Variants in CERS1 observed in about 807,000 individuals in gnomAD.
The protein encoded by CERS1 is ceramide synthase 1.
Under a neutral mutation model 35.7 loss-of-function variants are expected in CERS1, and 16 were observed. The ratio of observed to expected loss-of-function variants is 0.45; its 90% CI spans 0.30 to 0.68. The LOEUF is 0.68. Among genes scored for constraint, CERS1 ranks in the 30% least tolerant of loss-of-function variants. The pLI, the probability that CERS1 is intolerant of heterozygous loss-of-function variation, is 0.08. For missense variants in CERS1, 454 were observed against 453.9 expected (o/e 1.00, Z 0.00); for synonymous variants, 243 against 201.6 (o/e 1.21, Z -1.74).
chr19:18,868,615 G>T lies in CERS1; in HGVS notation c.*1370C>A. 4 of 1,564,518 alleles carry T rather than the reference G, an allele frequency of 2.6e-6. No homozygotes were observed. The highest frequency in any genetic ancestry group is 3.5e-6 in the Non-Finnish European group (4 of 1,154,688). ...CCCCGGGTTAGCGGCAGCCGCACTC[G>T]TCCACCACCATGTCCTCATACTGCC... On this transcript the variant is annotated 3_prime_UTR_variant, in exon 8 of 8. Transcript: ENST00000623882.
intron 6 of CERS1, among the ~76,000 whole-genome samples, chr19:18,876,883 G>A (rs948756370): frequency 5.1e-4 from 77 of 152,248 alleles, no homozygotes; most frequent in African/African-American, 1.4e-3. Flanking sequence ...CCAGCTTCTT[G>A]GTGAAGGTCC....
chr19:18,876,833 G>A (rs118018762), intron 6 of CERS1, among the ~76,000 whole-genome samples: 21 of 152,308 alleles, frequency 1.4e-4, no homozygotes, highest in Non-Finnish European at 2.8e-4. Flanking sequence ...CGACATTGGT[G>A]CTTTGCTATT....
intron 3 of CERS1, among the ~76,000 whole-genome samples, chr19:18,881,331 T>C (rs372738888): frequency 6.3e-4 from 96 of 151,576 alleles, no homozygotes; most frequent in African/African-American, 2.2e-3. Flanking sequence ...GCAATTCTCC[T>C]GCCTCAGCCT....
intron 6 of CERS1, among the ~76,000 whole-genome samples, chr19:18,876,058 C>T (rs908320796): frequency 2.0e-5 from 3 of 152,086 alleles, no homozygotes; most frequent in Non-Finnish European, 2.9e-5. Flanking sequence ...GCCTTTTTTT[C>T]ACTGCAACCT....
chr19:18,887,545 G>A (rs1016848744), intron 2 of CERS1, among the ~76,000 whole-genome samples: 1 of 152,148 alleles, frequency 6.6e-6, no homozygotes, highest in Non-Finnish European at 1.5e-5. Context: ...AGGAGTTGGA[G>A]ACCAGCCTGG....
chr19:18,888,867 CT>C (rs1287998330), intron 2 of CERS1, among the ~76,000 whole-genome samples: 4 of 151,234 alleles, frequency 2.6e-5, no homozygotes, highest in Admixed American at 6.6e-5. Flanking sequence ...AAACCCTCCC[CT>C]ATTCCAGAAT....
rs565782580 is a variant in CERS1, at chr19:18,890,895, G to A, written c.409+2521C>T. On this transcript the variant is annotated intron_variant, in intron 2 of 7. Transcript: ENST00000623882. ...TCCTGACACTTTGGGAGGCTGAGGC[G>A]GGCGGATCACCTGAGGTCAGGAGTT... Among the ~76,000 whole-genome samples, 21 of 151,946 alleles carry A rather than the reference G, an allele frequency of 1.4e-4. 1 individual carries two copies. The South Asian group carries it at 4.4e-3, about 32-fold the overall frequency.
intron 2 of CERS1, among the ~76,000 whole-genome samples, chr19:18,889,368 C>T (rs1051160029): frequency 2.0e-5 from 3 of 152,106 alleles, no homozygotes; most frequent in African/African-American, 7.2e-5. Flanking sequence ...GTAGCTCCTT[C>T]CCCACAGGAT....
At chr19:18,886,360 T>G (rs2056360549) in intron 2 of CERS1, among the ~76,000 whole-genome samples, 1 of 152,004 alleles carries the variant, frequency 6.6e-6, no homozygotes, top group African/African-American at 2.4e-5. Context: ...CCATCCTGGT[T>G]AACACAGTGA....
chr19:18,895,891 A>G lies in CERS1; in HGVS notation c.182T>C (p.Leu61Pro), dbSNP rs2146084156. The change falls in exon 1 of 8, where the codon CTG becomes CCG. Residue 61 changes from leucine (L) to proline (P), a missense_variant. Physicochemically the swap from Leu to Pro is moderately conservative, Grantham distance 98. Coordinates refer to ENST00000623882, the MANE Select transcript of CERS1 (RefSeq NM_021267.5). This position sits in a 1 kb window ranked among gnomAD's most constrained non-coding sequence, Gnocchi z 6.4. ...EHAHLAPPEL[L>P]LLALGALGWT... ...GCCCAGCGCGCCGAGCGCCAGCAGC[A>G]GCAGCTCGGGCGGCGCCAGGTGCGC... 7.9e-7 allele frequency: 1 copy of G among 1,271,124 alleles called. No homozygotes were observed. The allele number at this position is 1,271,124 out of a possible 1,614,324, so 78.7% of individuals were successfully genotyped here.
chr19:18,868,640 C>T lies in CERS1; in HGVS notation c.*1345G>A, dbSNP rs772895457. ...GTCCACCACCATGTCCTCATACTGC[C>T]GCAGCACCACGTTGTCGCTGTTGTC... On this transcript the variant is annotated 3_prime_UTR_variant, in exon 8 of 8. Transcript: ENST00000623882. The T allele has an allele frequency of 1.9e-6, 3 of 1,574,384 alleles. No homozygotes were observed. Among genetic ancestry groups the T allele is most frequent in the South Asian group, 1.2e-5 (1 of 85,844 alleles).
chr19:18,892,688 G>A (rs1412335427), intron 2 of CERS1, among the ~76,000 whole-genome samples: 1 of 152,078 alleles, frequency 6.6e-6, no homozygotes, highest in East Asian at 1.9e-4. Flanking sequence ...CCCTCCTCCT[G>A]TCCCCATGAA....
chr19:18,879,478 C>T lies in CERS1; in HGVS notation c.753-90G>A, dbSNP rs1038711839. 54 of 1,443,596 alleles carry T rather than the reference C, an allele frequency of 3.7e-5. No individual in the cohort carries two copies. In the Admixed American group the frequency reaches 1.1e-3, roughly 29 times the overall value. 89.4% of individuals were successfully genotyped at this position (1,443,596 alleles called of 1,614,324 possible). The stretch of plus-strand genomic sequence containing the variant: ...TATCCCGTCCTAGACCCACCCTTGC[C>T]CCCTTATCCCATCCTTGCCCACCTC... On this transcript the variant is annotated intron_variant, in intron 4 of 7. Coordinates refer to ENST00000623882, the MANE Select transcript of CERS1 (RefSeq NM_021267.5).
In CERS1 at chr19:18,879,288, TGAA is replaced by T. The variant is rs767220413; in HGVS notation, c.850_852del (p.Phe284del). The T allele has an allele frequency of 1.1e-5, 17 of 1,613,188 alleles. No individual in the cohort carries two copies. The highest frequency in any genetic ancestry group is 2.2e-5 in the East Asian group (1 of 44,862). On this transcript the variant is annotated inframe_deletion, in exon 5 of 8. Transcript: ENST00000623882. ...AGGGTGAGCAGCAGCAGGAGCGCATTGAAGAAGAAGTAGAAGGGGATGTCAGGC... is the reference window on the plus strand; with the variant it reads ...AGGGTGAGCAGCAGCAGGAGCGCATTGAAGAAGTAGAAGGGGATGTCAGGC...
intron 1 of CERS1, among the ~76,000 whole-genome samples, chr19:18,893,998 G>A (rs915825499): frequency 2.0e-5 from 3 of 151,918 alleles, no homozygotes; most frequent in African/African-American, 4.8e-5. Context: ...ACACAGAGGG[G>A]AGAGGAAGAA....
chr19:18,869,703 G>A (rs1265926946), intron 7 of CERS1, among the ~76,000 whole-genome samples: 4 of 143,418 alleles, frequency 2.8e-5, no homozygotes, highest in Admixed American at 6.9e-5. Context: ...GATGGCATCT[G>A]CAGGAAGGCA....
Position 18,870,204 on chromosome 19 carries a change from G to A in CERS1, c.*373C>T. Reference sequence around the variant, plus strand: ...TAGAGCCTGGAGCAGGGCGGCGGCTGGGCCTGGGGGCACGGGGGCGCGGGT... The same window carrying A: ...TAGAGCCTGGAGCAGGGCGGCGGCTAGGCCTGGGGGCACGGGGGCGCGGGT... On this transcript the variant is annotated 3_prime_UTR_variant, in exon 7 of 8. Coordinates refer to ENST00000623882, the MANE Select transcript of CERS1 (RefSeq NM_021267.5). This position sits in a 1 kb window ranked among gnomAD's most constrained non-coding sequence, Gnocchi z 5.1. The A allele has an allele frequency of 6.4e-7, 1 of 1,558,792 alleles. No individual in the cohort carries two copies. The highest frequency in any genetic ancestry group is 8.6e-7 in the Non-Finnish European group (1 of 1,158,652).
intron 2 of CERS1, among the ~76,000 whole-genome samples, chr19:18,892,379 C>T (rs1323880533): frequency 1.3e-5 from 2 of 151,924 alleles, no homozygotes; most frequent in African/African-American, 4.8e-5. Context: ...CTTTGGGAGG[C>T]TGAGGCGGGC....
Position 18,868,794 on chromosome 19 carries a change from C to A in CERS1, c.*1191G>T. Reference sequence around the variant, plus strand: ...TTGAGCGCCGGCGGCCCCCCGGACCCCGACAGCGCGACGGGCAGCGCGCAC... The same window carrying A: ...TTGAGCGCCGGCGGCCCCCCGGACCACGACAGCGCGACGGGCAGCGCGCAC... On this transcript the variant is annotated 3_prime_UTR_variant, in exon 8 of 8. Coordinates refer to ENST00000623882, the MANE Select transcript of CERS1 (RefSeq NM_021267.5). 1 of 1,460,000 alleles carries A rather than the reference C, an allele frequency of 6.8e-7. No homozygotes were observed. Among genetic ancestry groups the A allele is most frequent in the Non-Finnish European group, 9.1e-7 (1 of 1,096,224 alleles). The allele number at this position is 1,460,000 out of a possible 1,614,324, so 90.4% of individuals were successfully genotyped here. A position where few individuals can be genotyped will look rare whatever the true frequency, so the allele number is the denominator to read the frequency against.
Sources: allele counts gnomAD v4.1 joint callset (sites outside exome capture counted in the v4.1 genomes callset), GRCh38; gene constraint gnomAD v4.1.1; non-coding constraint Gnocchi (gnomAD v3.1); transcripts MANE v1.5; gene names NCBI Gene and HGNC (gene_info 2026-07-23, HGNC 2026-07-21).